MED13: variants seen among roughly 807,000 people sequenced by gnomAD.
MED13 encodes the protein mediator of RNA polymerase II transcription subunit 13.
MED13 carries 23 observed loss-of-function variants against 225.2 expected under a neutral mutation model. That is an observed-to-expected ratio of 0.10 (90% CI 0.07 to 0.14). The LOEUF is 0.14. Ranked by LOEUF, MED13 falls within the 10% of genes least tolerant of loss-of-function variation. The probability of loss-of-function intolerance (pLI) is 1.00; values close to 1 mark genes in which losing one functional copy is unlikely to be tolerated. For missense variants in MED13, 2,197 were observed against 2,594.5 expected (o/e 0.85, Z 3.33); for synonymous variants, 942 against 889.2 (o/e 1.06, Z -1.06).
chr17:61,965,268 T>C lies in MED13; in HGVS notation c.4582A>G (p.Thr1528Ala), dbSNP rs980614091. The C allele has an allele frequency of 6.2e-7, 1 of 1,614,088 alleles. No homozygotes were observed. The highest frequency in any genetic ancestry group is 1.3e-5 in the African/African-American group (1 of 74,946). ...SGVAISTSVA[T>A]ANSTLTTAST... is the part of the protein sequence containing the mutation. Reference sequence around the variant, plus strand: ...GCTGTGGTCAAAGTTGAATTAGCTGTGGCAACTGAAGTAGATATGGCAACA... The same window carrying C: ...GCTGTGGTCAAAGTTGAATTAGCTGCGGCAACTGAAGTAGATATGGCAACA... The change falls in exon 20 of 30, where the codon ACA becomes GCA. Residue 1528 changes from threonine (T) to alanine (A), a missense_variant. Thr to Ala is a moderately conservative substitution (Grantham distance 58, BLOSUM62 0). This residue lies in a region of MED13 where 457 missense variants were observed against 442.2 expected (regional missense o/e 1.03). Transcript: ENST00000397786.
chr17:62,015,886 T>TAC (rs1174840455), intron 8 of MED13, among the ~76,000 whole-genome samples: 181 of 93,342 alleles, frequency 1.9e-3, no homozygotes, highest in Non-Finnish European at 3.2e-3. Context: ...TGTATATATA[T>TAC]ACACACACAC....
At chr17:61,961,519 C>CAAAAA (rs56723756) in intron 22 of MED13, 69 bp downstream of exon 22, 37 of 733,286 alleles carry the variant, frequency 5.0e-5, no homozygotes, top group Middle Eastern at 4.1e-4. Context: ...GGCTCCATCT[C>CAAAAA]AAAAAAAAAA....
rs981535614 is a variant in MED13, at chr17:61,953,137, T to C, written c.5969-24A>G. Reference sequence around the variant, plus strand: ...ATCTAAACAGGAGAAAGAAAAGAAATTTAAAACTCCATTTTCCATATCCTA... The same window carrying C: ...ATCTAAACAGGAGAAAGAAAAGAAACTTAAAACTCCATTTTCCATATCCTA... On this transcript the variant is annotated intron_variant, in intron 26 of 29. Transcript: ENST00000397786. The C allele has an allele frequency of 2.5e-6, 4 of 1,599,418 alleles. No individual in the cohort carries two copies. The Admixed American group carries it at 5.3e-5, about 21-fold the overall frequency.
At chr17:62,061,584 CAAT>C (rs2081039597) in intron 2 of MED13, among the ~76,000 whole-genome samples, 2 of 152,178 alleles carry the variant, frequency 1.3e-5, no homozygotes, top group African/African-American at 4.8e-5. Flanking sequence ...AGTTTTTCAA[CAAT>C]GTTATACAGT....
rs61326861 is a variant in MED13 at position 61,955,855 on chromosome 17, T to TAAAAAAAA, written c.5624-25_5624-18dup. 8.0e-5 allele frequency: 65 copies of TAAAAAAAA among 815,108 alleles called. No homozygotes were observed. The highest frequency in any genetic ancestry group is 3.5e-4 in the African/African-American group (8 of 23,172). The allele number at this position is 815,108 out of a possible 1,614,324, so 50.5% of individuals were successfully genotyped here. ...AGCTCCAATCTGTGGGTATCAACAG[T>TAAAAAAAA]AAAAAAAAAAAAAAAAAAAAAAAAA... On this transcript the variant is annotated splice_polypyrimidine_tract_variant and intron_variant, in intron 24 of 29. Transcript: ENST00000397786.
Position 62,008,016 on chromosome 17 carries a change from C to CAAAAAAAAA in MED13, c.1967+2525_1967+2533dup, listed in dbSNP as rs60236710. On this transcript the variant is annotated intron_variant, in intron 9 of 29. Coordinates refer to ENST00000397786, the MANE Select transcript of MED13 (RefSeq NM_005121.3). ...CCTGGAGGAAAGAGCGAGACTGTCT[C>CAAAAAAAAA]AAAAAAAAAAAAAAAAAAAAGCTGT... Among the ~76,000 whole-genome samples the CAAAAAAAAA allele has an allele frequency of 1.7e-3, 87 of 50,486 alleles. 7 individuals carry two copies. Among genetic ancestry groups the CAAAAAAAAA allele is most frequent in the East Asian group, 6.5e-3 (8 of 1,240 alleles). The allele number at this position is 50,486 out of a possible 152,430, so 33.1% of individuals were successfully genotyped here.
chr17:61,983,418 A>G (rs574247559), intron 15 of MED13, among the ~76,000 whole-genome samples: 1 of 152,188 alleles, frequency 6.6e-6, no homozygotes, highest in Admixed American at 6.5e-5. Context: ...AGAAATACTT[A>G]TATTTCCTTG....
At chr17:62,043,198 A>G (rs866331275) in intron 3 of MED13, among the ~76,000 whole-genome samples, 7 of 150,908 alleles carry the variant, frequency 4.6e-5, no homozygotes, top group African/African-American at 1.7e-4. Context: ...AGAAAGAAAG[A>G]AAGAAAAATT....
intron 16 of MED13, among the ~76,000 whole-genome samples, chr17:61,978,209 G>T (rs1037382105): frequency 4.0e-5 from 6 of 151,670 alleles, no homozygotes; most frequent in African/African-American, 1.5e-4. Flanking sequence ...GAGCGAAATG[G>T]CAGGATCTCA....
Position 61,946,549 on chromosome 17 carries a change from T to C in MED13, c.6444A>G (p.Ala2148=). The change falls in exon 30 of 30, where the codon GCA becomes GCG. Residue 2148 remains alanine (A), a synonymous_variant. Transcript: ENST00000397786. ...GGAGACATGAGCGTCTGTCCTGGGTTGCAGGGTCACAGGTTAGCCAGGAGA... is the reference window on the plus strand; with the variant it reads ...GGAGACATGAGCGTCTGTCCTGGGTCGCAGGGTCACAGGTTAGCCAGGAGA... ...NALSWLTCDP[A]TQDRRSCLPI... 6.2e-7 allele frequency: 1 copy of C among 1,614,072 alleles called. No homozygotes were observed. The highest frequency in any genetic ancestry group is 1.1e-5 in the South Asian group (1 of 91,084).
At chr17:62,004,387 T>C (rs1170538709) in intron 9 of MED13, 1 of 152,216 alleles carries the variant, frequency 6.6e-6, no homozygotes, top group Non-Finnish European at 1.5e-5. Flanking sequence ...GGCAGTGATT[T>C]GGGAGAGAAA....
chr17:61,959,177 T>A (rs1431946079), intron 23 of MED13, among the ~76,000 whole-genome samples: 2 of 151,984 alleles, frequency 1.3e-5, no homozygotes, highest in African/African-American at 4.8e-5. Context: ...CTAATTTTTT[T>A]GTATTTTTAG....
At chr17:62,031,392 T>G (rs1302068623) in intron 6 of MED13, 52 bp downstream of exon 6, 1 of 1,383,796 alleles carries the variant, frequency 7.2e-7, no homozygotes, top group Non-Finnish European at 9.7e-7. Context: ...AAGTACTTAC[T>G]GTACACAAAA....
At chr17:61,984,560 C>A (rs1294234099) in intron 14 of MED13, 91 bp downstream of exon 14, 1 of 1,188,282 alleles carries the variant, frequency 8.4e-7, no homozygotes, top group Non-Finnish European at 1.2e-6. Context: ...AAAACCGCAA[C>A]CACTATAAAA....
At chr17:61,963,121 C>A in intron 20 of MED13, 150 bp from the exon 21 acceptor site, 1 of 457,226 alleles carries the variant, frequency 2.2e-6, no homozygotes, top group Non-Finnish European at 3.9e-6. Context: ...TCTTTCTCGC[C>A]AAAATGAACC....
Position 61,944,530 on chromosome 17 carries a change from T to C in MED13, c.*1938A>G, listed in dbSNP as rs542754360. 3.3e-5 allele frequency: 5 copies of C among 152,308 alleles called. No homozygotes were observed. The highest frequency in any genetic ancestry group is 1.9e-4 in the East Asian group (1 of 5,190). 9.4% of individuals were successfully genotyped at this position (152,308 alleles called of 1,614,324 possible). ...CTGCATTATAATTTTGAAGAAATGA[T>C]TGACAACCTTTGTCACCAATTGTGT... On this transcript the variant is annotated 3_prime_UTR_variant, in exon 30 of 30. Transcript: ENST00000397786.
Position 61,995,379 on chromosome 17 carries a change from TTA to T in MED13, c.1968-16_1968-15del. ...TGCACCATTAACCTGCATAAAAAAA[TTA>T]AAAAAAATTAATTATCCACATAAGC... On this transcript the variant is annotated splice_polypyrimidine_tract_variant and intron_variant, in intron 9 of 29. Coordinates refer to ENST00000397786, the MANE Select transcript of MED13 (RefSeq NM_005121.3). 6.5e-7 allele frequency: 1 copy of T among 1,544,528 alleles called. No homozygotes were observed. Among genetic ancestry groups the T allele is most frequent in the Non-Finnish European group, 8.7e-7 (1 of 1,147,210 alleles).
At chr17:61,999,978 A>G (rs1254032754) in intron 9 of MED13, among the ~76,000 whole-genome samples, 1 of 152,144 alleles carries the variant, frequency 6.6e-6, no homozygotes, top group Non-Finnish European at 1.5e-5. Context: ...GCTAAGGAGG[A>G]TGGATGGCTT....
At chr17:61,990,525 A>T (rs1434755717) in intron 11 of MED13, among the ~76,000 whole-genome samples, 1 of 151,272 alleles carries the variant, frequency 6.6e-6, no homozygotes, top group Admixed American at 6.6e-5. Context: ...TATGAGTAAA[A>T]TGTTAAAAAA....
Sources: allele counts gnomAD v4.1 joint callset (sites outside exome capture counted in the v4.1 genomes callset), GRCh38; gene constraint gnomAD v4.1.1; regional missense constraint gnomAD v4.1.1; transcripts MANE v1.5; gene names NCBI Gene and HGNC (gene_info 2026-07-23, HGNC 2026-07-21).